Variants in SLC20A2 observed in about 807,000 individuals in gnomAD.
SLC20A2 encodes sodium-dependent phosphate transporter 2.
Under a neutral mutation model 61.0 loss-of-function variants are expected in SLC20A2, and 30 were observed. The observed-to-expected ratio is 0.49, with a 90% CI of 0.37 to 0.67. The LOEUF (loss-of-function observed/expected upper bound fraction) is 0.67. SLC20A2 is among the 30% of genes least tolerant of loss of function. The pLI is 0.00. For missense variants in SLC20A2, 626 were observed against 866.4 expected (o/e 0.72, Z 3.48); for synonymous variants, 351 against 353.3 (o/e 0.99, Z 0.07).
chr8:42,511,103 C>A (rs1439636861), intron 1 of SLC20A2, among the ~76,000 whole-genome samples: 3 of 151,960 alleles, frequency 2.0e-5, no homozygotes, highest in Non-Finnish European at 2.9e-5. Context: ...TGGAGAGCCG[C>A]CAGCTTCACT....
intron 1 of SLC20A2, among the ~76,000 whole-genome samples, chr8:42,478,170 C>T (rs574094510): frequency 6.6e-6 from 1 of 151,856 alleles, no homozygotes; most frequent in East Asian, 1.9e-4. Flanking sequence ...AGGTGTGAGC[C>T]ACCATCCCTG....
chr8:42,476,509 C>T (rs533735063), intron 1 of SLC20A2, among the ~76,000 whole-genome samples: 1 of 152,272 alleles, frequency 6.6e-6, no homozygotes, highest in East Asian at 1.9e-4. Flanking sequence ...CACAGGTGAA[C>T]CACAGGAGCG....
intron 10 of SLC20A2, chr8:42,419,707 G>T: frequency 1.0e-6 from 1 of 969,418 alleles, no homozygotes; most frequent in Non-Finnish European, 1.2e-6. Flanking sequence ...ATAAATAGCT[G>T]TTAATGTAGT....
intron 5 of SLC20A2, 130 bp from the exon 6 acceptor site, chr8:42,444,892 C>G: frequency 1.6e-6 from 1 of 632,320 alleles, no homozygotes; most frequent in African/African-American, 1.8e-5. Flanking sequence ...AAACTCTCAA[C>G]TAAAAAAACA....
At chr8:42,481,819 G>A (rs958458096) in intron 1 of SLC20A2, among the ~76,000 whole-genome samples, 55 of 152,046 alleles carry the variant, frequency 3.6e-4, no homozygotes, top group African/African-American at 1.3e-3. Flanking sequence ...TTCCTGCTTC[G>A]GACCCTGAGG....
intron 1 of SLC20A2, among the ~76,000 whole-genome samples, chr8:42,475,817 G>C (rs1464152504): frequency 6.6e-6 from 1 of 151,844 alleles, no homozygotes; most frequent in African/African-American, 2.4e-5. Flanking sequence ...CATGAGATGA[G>C]GCATCCGGGA....
intron 1 of SLC20A2, among the ~76,000 whole-genome samples, chr8:42,508,890 A>G (rs1357217890): frequency 6.6e-6 from 1 of 152,212 alleles, no homozygotes; most frequent in Non-Finnish European, 1.5e-5. Flanking sequence ...ATTTTTCCAA[A>G]TCTAGGCTAT....
chr8:42,425,709 G>A (rs746072139), intron 10 of SLC20A2, among the ~76,000 whole-genome samples: 2 of 152,126 alleles, frequency 1.3e-5, no homozygotes, highest in African/African-American at 2.4e-5. Flanking sequence ...TGCTTTAAGT[G>A]CCAAGAAGCT....
chr8:42,506,209 G>A (rs1810693147), upstream of SLC20A2, among the ~76,000 whole-genome samples: 1 of 152,178 alleles, frequency 6.6e-6, no homozygotes, highest in Admixed American at 6.5e-5. Flanking sequence ...CGAAGTACTG[G>A]GATAATAGGT....
chr8:42,533,654 C>CTTTTTTTCTTTTTCTTTTTTTTTT (rs1253260874), intron 1 of SLC20A2, among the ~76,000 whole-genome samples: 2 of 55,312 alleles, frequency 3.6e-5, no homozygotes, highest in African/African-American at 8.1e-5. Flanking sequence ...ATCAACTGTT[C>CTTTTTTTCTTTTTCTTTTTTTTTT]TTTTTTTTTT....
chr8:42,512,991 C>T (rs1811113757), intron 1 of SLC20A2, among the ~76,000 whole-genome samples: 1 of 152,170 alleles, frequency 6.6e-6, no homozygotes, highest in African/African-American at 2.4e-5. Context: ...AAACAGTATC[C>T]AACAGAGTAT....
At chr8:42,534,399 TC>T (rs1409277462) in intron 1 of SLC20A2, among the ~76,000 whole-genome samples, 3 of 152,238 alleles carry the variant, frequency 2.0e-5, no homozygotes, top group African/African-American at 7.2e-5. Context: ...TCTATACATT[TC>T]TACTACCCAT....
intron 1 of SLC20A2, among the ~76,000 whole-genome samples, chr8:42,483,991 G>T (rs560588349): frequency 6.6e-6 from 1 of 152,136 alleles, no homozygotes; most frequent in African/African-American, 2.4e-5. Context: ...TGGTACAACC[G>T]CATATTCTTT....
At chr8:42,454,979 A>G (rs1806030125) in intron 5 of SLC20A2, among the ~76,000 whole-genome samples, 1 of 151,876 alleles carries the variant, frequency 6.6e-6, no homozygotes, top group African/African-American at 2.4e-5. Context: ...TAATCCCAGC[A>G]CTTTGGGAGG....
At chr8:42,478,145 A>G (rs1352058298) in intron 1 of SLC20A2, among the ~76,000 whole-genome samples, 1 of 151,732 alleles carries the variant, frequency 6.6e-6, no homozygotes, top group African/African-American at 2.4e-5. Context: ...CGGCCTCTCA[A>G]AGTGCTGGGA....
chr8:42,437,484 A>C lies in SLC20A2; in HGVS notation c.1028T>G (p.Val343Gly). ...CGAGTCTTTGTGCACGGTGTGGTACACATGACCGTCGCTCCTGGTGTGGCC... is the reference window on the plus strand; with the variant it reads ...CGAGTCTTTGTGCACGGTGTGGTACCCATGACCGTCGCTCCTGGTGTGGCC... The part of the protein sequence containing the change: ...FDGHTRSDGH[V>G]YHTVHKDSGL... Residue 343 changes from valine (V) to glycine (G), a missense_variant, in exon 8 of 11, where the codon GTG becomes GGG. Val to Gly is a moderately radical substitution (Grantham distance 109). Coordinates refer to ENST00000520262, the MANE Select transcript of SLC20A2 (RefSeq NM_001257180.2). This position sits in a 1 kb window ranked among gnomAD's most constrained non-coding sequence, Gnocchi z 6.4. The C allele has an allele frequency of 2.5e-6, 4 of 1,614,122 alleles. No individual in the cohort carries two copies. The highest frequency in any genetic ancestry group is 3.4e-6 in the Non-Finnish European group (4 of 1,180,020).
chr8:42,466,995 C>CG (rs571433423), intron 2 of SLC20A2, among the ~76,000 whole-genome samples: 120 of 152,028 alleles, frequency 7.9e-4, no homozygotes, highest in African/African-American at 2.7e-3. Flanking sequence ...TTTGCAGAGA[C>CG]GGGGGTCTTG....
chr8:42,539,314 A>G (rs1472051595), intron 1 of SLC20A2, among the ~76,000 whole-genome samples: 1 of 152,224 alleles, frequency 6.6e-6, no homozygotes, highest in Admixed American at 6.5e-5. Flanking sequence ...GTTAAACCCT[A>G]CGCTCATCTC....
intron 1 of SLC20A2, among the ~76,000 whole-genome samples, chr8:42,510,990 G>T (rs963306383): frequency 6.6e-6 from 1 of 152,180 alleles, no homozygotes; most frequent in Non-Finnish European, 1.5e-5. Flanking sequence ...ATGGTAGATA[G>T]AAAATCTGTT....
Sources: gnomAD v4.1 joint callset for allele counts (sites outside exome capture counted in the v4.1 genomes callset) on GRCh38, gnomAD v4.1.1 for gene constraint, Gnocchi (gnomAD v3.1) non-coding constraint, MANE v1.5 for transcripts, NCBI Gene and HGNC (gene_info 2026-07-23, HGNC 2026-07-21) for gene names.